The following VPS41 variants were observed in gnomAD, a reference collection of about 807,000 sequenced individuals.
VPS41 encodes VPS41 subunit of HOPS complex.
In VPS41, 85 loss-of-function variants were observed where a neutral mutation model predicts 130.9. The observed-to-expected ratio is 0.65, with a 90% CI of 0.55 to 0.78. The LOEUF (loss-of-function observed/expected upper bound fraction) is 0.78. Among genes scored for constraint, VPS41 ranks in the 30% least tolerant of loss-of-function variants. The pLI is 0.00. For synonymous variants in VPS41, 335 were observed against 332.9 expected, an observed-to-expected ratio of 1.01 and a Z score of -0.07; for missense variants, 874 against 1,018.7, an observed-to-expected ratio of 0.86 and a Z score of 1.93.
rs796946756 is a variant in VPS41, at chr7:38,811,518, TA to T, written c.450+6298del. Among the ~76,000 whole-genome samples, 88 of 152,022 alleles carry T rather than the reference TA, an allele frequency of 5.8e-4. 1 individual carries two copies. The highest frequency in any genetic ancestry group is 2.0e-3 in the African/African-American group (81 of 41,516). ...TCTAAAGCCTTTAACATAAGTAAAA[TA>T]AATTATAATGGCTTTTTTAAATAAA... is the stretch of plus-strand genomic sequence containing the variant. On this transcript the variant is annotated intron_variant, in intron 7 of 28. Coordinates refer to ENST00000310301, the MANE Select transcript of VPS41 (RefSeq NM_014396.4).
chr7:38,743,077 C>CA (rs1047657356), intron 24 of VPS41, among the ~76,000 whole-genome samples: 8 of 33,316 alleles, frequency 2.4e-4, no homozygotes, highest in African/African-American at 4.7e-4. Flanking sequence ...AAGCTAAAAA[C>CA]AAAAAAAAAC....
chr7:38,821,129 G>T, intron 6 of VPS41, 74 bp downstream of exon 6: 2 of 1,134,222 alleles, frequency 1.8e-6, no homozygotes, highest in Non-Finnish European at 1.3e-6. Context: ...AAGTGGTAAT[G>T]TTCAAATTAC....
chr7:38,792,771 T>G (rs1291421042), intron 9 of VPS41, among the ~76,000 whole-genome samples: 1 of 151,982 alleles, frequency 6.6e-6, no homozygotes, highest in Non-Finnish European at 1.5e-5. Context: ...AGCCAAAGAC[T>G]TCTCAAGGGC....
chr7:38,736,184 G>A (rs1264782107), intron 25 of VPS41, among the ~76,000 whole-genome samples: 1 of 152,188 alleles, frequency 6.6e-6, no homozygotes, highest in Non-Finnish European at 1.5e-5. Flanking sequence ...AGATATTTTA[G>A]AGATCATCTA....
intron 3 of VPS41, among the ~76,000 whole-genome samples, chr7:38,863,376 A>G (rs112934002): frequency 3.2e-4 from 48 of 152,318 alleles, no homozygotes; most frequent in Non-Finnish European, 5.7e-4. Flanking sequence ...CATTACTCAA[A>G]TAGTCCAAAA....
chr7:38,813,324 A>T (rs950132603), intron 7 of VPS41, among the ~76,000 whole-genome samples: 3 of 152,142 alleles, frequency 2.0e-5, no homozygotes, highest in Non-Finnish European at 4.4e-5. Flanking sequence ...ACTTATAGAG[A>T]AAGAAAATAG....
intron 22 of VPS41, among the ~76,000 whole-genome samples, chr7:38,747,787 C>A (rs12672885): frequency 0.23 from 34,299 of 152,100 alleles, 4,425 homozygotes; most frequent in East Asian, 0.43. Flanking sequence ...TTGGTGGCTA[C>A]TATGTGGGAC....
rs769516003 is a variant in VPS41 at position 38,726,968 on chromosome 7, C to T, written c.2425G>A (p.Val809Met). The change falls in exon 28 of 29, where the codon GTG (valine) becomes ATG (methionine). Residue 809 changes from valine to methionine, a missense_variant. By Grantham distance (21) the Val-to-Met change is conservative. Transcript: ENST00000310301. ...LPSDAAKPFS[V>M]VVFHCRHMFH... ...ATGTGCCGGCAATGGAAGACCACCA[C>T]GCTGAAGGGCTTAGCTGCATCTGGC... is the stretch of plus-strand genomic sequence containing the variant. The T allele has an allele frequency of 1.7e-5, 27 of 1,584,990 alleles. No homozygotes were observed. Among genetic ancestry groups the T allele is most frequent in the East Asian group, 1.4e-4 (6 of 42,340 alleles).
At chr7:38,802,233 A>C (rs867550775) in intron 7 of VPS41, among the ~76,000 whole-genome samples, 25 of 152,242 alleles carry the variant, frequency 1.6e-4, no homozygotes, top group Admixed American at 1.6e-3. Flanking sequence ...TAATTTCTGA[A>C]ATGTGTCTGC....
chr7:38,879,255 G>A (rs1021488557), intron 2 of VPS41, among the ~76,000 whole-genome samples: 5 of 152,166 alleles, frequency 3.3e-5, no homozygotes, highest in Non-Finnish European at 7.3e-5. Flanking sequence ...CTCTCCCCCG[G>A]GTGCCTGGTT....
intron 2 of VPS41, 97 bp downstream of exon 2, chr7:38,897,994 C>A: frequency 8.5e-7 from 1 of 1,169,914 alleles, no homozygotes; most frequent in East Asian, 2.4e-5. Flanking sequence ...GCTTTACACC[C>A]TCAGCCCCTG....
At chr7:38,761,261 CTCTTTTTT>C (rs1783909055) in intron 17 of VPS41, among the ~76,000 whole-genome samples, 1 of 108,576 alleles carries the variant, frequency 9.2e-6, no homozygotes, top group Non-Finnish European at 1.8e-5. Flanking sequence ...CTCTCTTCCT[CTCTTTTTT>C]TTTTTTTTTT....
At chr7:38,829,461 T>C (rs1344698673) in intron 5 of VPS41, among the ~76,000 whole-genome samples, 1 of 152,222 alleles carries the variant, frequency 6.6e-6, no homozygotes, top group Non-Finnish European at 1.5e-5. Context: ...AGATCTATAA[T>C]GATTCTTAAT....
At chr7:38,795,708 G>T in intron 8 of VPS41, 97 bp from the exon 9 acceptor site, 1 of 1,115,636 alleles carries the variant, frequency 9.0e-7, no homozygotes, top group Non-Finnish European at 1.3e-6. Context: ...TAACCAGCAC[G>T]GAGAAATATT....
chr7:38,749,732 G>A (rs1013232988), intron 22 of VPS41, among the ~76,000 whole-genome samples: 1 of 152,134 alleles, frequency 6.6e-6, no homozygotes, highest in African/African-American at 2.4e-5. Context: ...AGCAAGCTTG[G>A]GATGCGTTTA....
intron 4 of VPS41, among the ~76,000 whole-genome samples, chr7:38,855,882 T>C (rs1785971166): frequency 6.6e-6 from 1 of 152,330 alleles, no homozygotes; most frequent in African/African-American, 2.4e-5. Flanking sequence ...ACTCTGATCT[T>C]ATATTAGTCA....
chr7:38,741,907 A>C (rs765254505), intron 25 of VPS41, 78 bp downstream of exon 25: 1 of 1,536,746 alleles, frequency 6.5e-7, no homozygotes, highest in Non-Finnish European at 8.8e-7. Flanking sequence ...ACTGATACCT[A>C]ACATAAACCC....
intron 1 of VPS41, among the ~76,000 whole-genome samples, chr7:38,904,708 TG>T (rs1198316532): frequency 6.6e-6 from 1 of 152,232 alleles, no homozygotes; most frequent in East Asian, 1.9e-4. Flanking sequence ...AAATTTGTAT[TG>T]ATTTGATTTT....
At chr7:38,746,820 C>T (rs1035285709) in intron 22 of VPS41, among the ~76,000 whole-genome samples, 9 of 152,168 alleles carry the variant, frequency 5.9e-5, no homozygotes, top group Non-Finnish European at 8.8e-5. Context: ...CTCTCCATTG[C>T]GTCCCCTTGC....
Sources: allele counts gnomAD v4.1 joint callset (sites outside exome capture counted in the v4.1 genomes callset), GRCh38; gene constraint gnomAD v4.1.1; transcripts MANE v1.5; gene names NCBI Gene and HGNC (gene_info 2026-07-23, HGNC 2026-07-21).